The following CLASP2 variants were observed in gnomAD, a reference collection of about 807,000 sequenced individuals.
The protein encoded by CLASP2 is CLIP-associating protein 2.
Under a neutral mutation model 194.4 loss-of-function variants are expected in CLASP2, and 47 were observed. That is an observed-to-expected ratio of 0.24 (90% CI 0.19 to 0.31). The LOEUF is 0.31. Ranked by LOEUF, CLASP2 falls within the 10% of genes least tolerant of loss-of-function variation. The probability of loss-of-function intolerance (pLI) is 1.00; values close to 1 mark genes in which losing one functional copy is unlikely to be tolerated. For synonymous variants in CLASP2, 619 were observed against 633.5 expected, an observed-to-expected ratio of 0.98 and a Z score of 0.34; for missense variants, 1,445 against 1,823.6, an observed-to-expected ratio of 0.79 and a Z score of 3.78.
intron 34 of CLASP2, among the ~76,000 whole-genome samples, chr3:33,520,726 C>CA (rs769203734): frequency 5.3e-5 from 8 of 151,952 alleles, no homozygotes; most frequent in Admixed American, 1.3e-4. Context: ...AGTGGGTTAT[C>CA]AATCTGGAAA....
At chr3:33,560,159 G>A (rs1054459091) in intron 28 of CLASP2, among the ~76,000 whole-genome samples, 4 of 151,722 alleles carry the variant, frequency 2.6e-5, no homozygotes, top group Non-Finnish European at 2.9e-5. Context: ...ATAATAAAAC[G>A]TTGTTTAAAT....
chr3:33,630,447 A>G (rs1425570261), intron 9 of CLASP2, among the ~76,000 whole-genome samples: 1 of 152,202 alleles, frequency 6.6e-6, no homozygotes, highest in Non-Finnish European at 1.5e-5. Context: ...AAATGGGTAT[A>G]GGAATAATGG....
At chr3:33,639,315 C>T (rs567532535) in intron 8 of CLASP2, among the ~76,000 whole-genome samples, 12 of 152,244 alleles carry the variant, frequency 7.9e-5, no homozygotes, top group African/African-American at 2.4e-4. Flanking sequence ...ACCTCCATCT[C>T]CCCAAGTGCT....
In CLASP2 at chr3:33,612,054, T is replaced by G. The variant is rs2075284953; in HGVS notation, c.1335A>C (p.Arg445Ser). Residue 445 changes from arginine to serine, a missense_variant, in exon 13 of 39, where the codon AGA (arginine) becomes AGC (serine). Around this residue, in one of 4 missense-constraint regions of CLASP2, gnomAD observed 207 missense variants for 331.4 expected, o/e 0.62. Transcript: ENST00000682230. ...AATTGCTTGTTATTAAAGGTATAAG[T>G]CTGGGTACATGAGTATGCTGAAAAA... ...RFIIRHTHVP[R>S]LIPLITSNCT... is the part of the protein sequence containing the mutation. 1 of 1,608,676 alleles carries G rather than the reference T, an allele frequency of 6.2e-7. No homozygotes were observed.
chr3:33,537,024 T>C (rs138941320), intron 33 of CLASP2, among the ~76,000 whole-genome samples: 81 of 152,304 alleles, frequency 5.3e-4, no homozygotes, highest in Non-Finnish European at 9.3e-4. Flanking sequence ...TTATTATACT[T>C]ACAACAACTT....
intron 21 of CLASP2, among the ~76,000 whole-genome samples, chr3:33,588,257 T>C (rs2067872090): frequency 6.6e-6 from 1 of 152,132 alleles, no homozygotes. Context: ...CCAAGGCTCC[T>C]TCCCCAGTAA....
chr3:33,602,288 C>T, intron 18 of CLASP2: 2 of 477,958 alleles, frequency 4.2e-6, no homozygotes, highest in Non-Finnish European at 7.5e-6. Context: ...CTTTGAGTGT[C>T]ATGTTGGTGC....
At chr3:33,540,910 C>CTACTCAG (rs1217560316) in intron 32 of CLASP2, among the ~76,000 whole-genome samples, 1 of 151,890 alleles carries the variant, frequency 6.6e-6, no homozygotes, top group Non-Finnish European at 1.5e-5. Flanking sequence ...GTAGCTGGAA[C>CTACTCAG]TACCGGCATG....
chr3:33,556,819 G>A (rs1187121285), intron 29 of CLASP2, among the ~76,000 whole-genome samples: 3 of 152,036 alleles, frequency 2.0e-5, no homozygotes, highest in Non-Finnish European at 4.4e-5. Flanking sequence ...TAGGCTTTTA[G>A]AGAAACAATC....
At chr3:33,632,169 G>C (rs1189647753) in intron 9 of CLASP2, 123 bp downstream of exon 9, 1 of 559,778 alleles carries the variant, frequency 1.8e-6, no homozygotes, top group Non-Finnish European at 3.0e-6. Context: ...GTATTAATAA[G>C]TCAAATATTT....
intron 20 of CLASP2, among the ~76,000 whole-genome samples, chr3:33,593,071 C>T (rs1396463497): frequency 6.6e-6 from 1 of 152,190 alleles, no homozygotes; most frequent in African/African-American, 2.4e-5. Context: ...TGAGGAAATA[C>T]ATATCACATA....
intron 38 of CLASP2, among the ~76,000 whole-genome samples, chr3:33,499,618 G>T (rs2046381502): frequency 6.6e-6 from 1 of 151,206 alleles, no homozygotes; most frequent in Non-Finnish European, 1.5e-5. Flanking sequence ...CAAAGTGCTG[G>T]GATTACAGTT....
Position 33,581,845 on chromosome 3 carries a change from G to A in CLASP2, c.2323C>T (p.Pro775Ser). The A allele has an allele frequency of 6.2e-7, 1 of 1,613,456 alleles. No homozygotes were observed. The highest frequency in any genetic ancestry group is 8.5e-7 in the Non-Finnish European group (1 of 1,179,634). ...CCGAGGGGCTGAAAAGAGCGAACAG[G>A]ACTTGTGTCTCTGCTGCTCTCCCGA... Reference protein sequence around the residue: ...ASRESSRDTSPVRSFQPLGPG... With the variant: ...ASRESSRDTSSVRSFQPLGPG... Residue 775 changes from proline to serine, a missense_variant, in exon 23 of 39, where the codon CCT becomes TCT. Pro to Ser is a moderately conservative substitution (Grantham distance 74). Transcript: ENST00000682230.
chr3:33,581,745 C>A, intron 23 of CLASP2, 76 bp downstream of exon 23: 1 of 954,420 alleles, frequency 1.0e-6, no homozygotes. Context: ...AAGCTAAATC[C>A]CAGGTATGCT....
chr3:33,714,481 T>G (rs1179882233), intron 1 of CLASP2, among the ~76,000 whole-genome samples: 2 of 152,144 alleles, frequency 1.3e-5, no homozygotes, highest in Admixed American at 1.3e-4. Context: ...TCTTCCCTAT[T>G]TCAATAAATA....
intron 13 of CLASP2, among the ~76,000 whole-genome samples, chr3:33,610,647 C>T (rs1053923738): frequency 3.9e-5 from 6 of 152,146 alleles, no homozygotes; most frequent in African/African-American, 1.4e-4. Flanking sequence ...GCTTTGTGGA[C>T]CACATACAGT....
chr3:33,681,881 G>A lies in CLASP2; in HGVS notation c.644+2478C>T, dbSNP rs1232316474. ...AATAGATTAATGTCCTGTCCTCCCT[G>A]GGGCAGGGAAGAGTGAATGAGTTCT... On this transcript the variant is annotated intron_variant, in intron 6 of 38. Coordinates refer to ENST00000682230, the MANE Select transcript of CLASP2 (RefSeq NM_001365631.1). Among the ~76,000 whole-genome samples the A allele has an allele frequency of 2.0e-4, 31 of 152,144 alleles. 1 individual carries two copies. The highest frequency in any genetic ancestry group is 2.0e-3 in the Admixed American group (31 of 15,286).
intron 7 of CLASP2, among the ~76,000 whole-genome samples, chr3:33,654,005 A>C (rs1485476037): frequency 6.6e-6 from 1 of 151,668 alleles, no homozygotes; most frequent in African/African-American, 2.4e-5. Flanking sequence ...CAAAAAAAGA[A>C]GGCACATTCC....
chr3:33,691,196 G>C (rs2091313719), intron 2 of CLASP2, among the ~76,000 whole-genome samples: 1 of 152,134 alleles, frequency 6.6e-6, no homozygotes, highest in South Asian at 2.1e-4. Flanking sequence ...CACAGCCCCT[G>C]AAGATAATGG....
Sources: allele counts gnomAD v4.1 joint callset (sites outside exome capture counted in the v4.1 genomes callset), GRCh38; gene constraint gnomAD v4.1.1; regional missense constraint gnomAD v4.1.1; transcripts MANE v1.5; gene names NCBI Gene and HGNC (gene_info 2026-07-23, HGNC 2026-07-21).